The following ULK4 variants were observed in gnomAD, a reference collection of about 807,000 sequenced individuals.
ULK4 encodes the protein unc-51 like kinase 4.
Under a neutral mutation model 160.6 loss-of-function variants are expected in ULK4, and 133 were observed. The ratio of observed to expected loss-of-function variants is 0.83; its 90% CI spans 0.72 to 0.96. The LOEUF is 0.96. ULK4 is among the 40% of genes least tolerant of loss of function. ULK4 has a pLI of 0.00. For synonymous variants in ULK4, 534 were observed against 539.8 expected, an observed-to-expected ratio of 0.99 and a Z score of 0.15; for missense variants, 1,580 against 1,499.5, an observed-to-expected ratio of 1.05 and a Z score of -0.89.
chr3:41,835,908 G>A lies in ULK4; in HGVS notation c.1720C>T (p.Leu574Phe). 3 of 1,613,224 alleles carry A rather than the reference G, an allele frequency of 1.9e-6. No homozygotes were observed. Among genetic ancestry groups the A allele is most frequent in the Non-Finnish European group, 2.5e-6 (3 of 1,179,716 alleles). The change falls in exon 18 of 37, where the codon CTT (leucine) becomes TTT (phenylalanine). Residue 574 changes from leucine (L) to phenylalanine (F), a missense_variant. Physicochemically the swap from Leu to Phe is conservative, Grantham distance 22. Transcript: ENST00000301831. ...ATCAGCTCCCCAAGGGTTGGTAAAA[G>A]GCACTGTTTTAATTTGCTGTTCCTG... ...NFRNSKLKQC[L>F]LPTLGELIYL...
At chr3:41,723,417 C>A (rs1268423453) in intron 22 of ULK4, among the ~76,000 whole-genome samples, 1 of 152,096 alleles carries the variant, frequency 6.6e-6, no homozygotes, top group Non-Finnish European at 1.5e-5. Flanking sequence ...TCCTCCTCCT[C>A]TTGTCTTTCA....
intron 19 of ULK4, among the ~76,000 whole-genome samples, chr3:41,801,035 G>A (rs73073358): frequency 0.12 from 18,862 of 152,106 alleles, 1,349 homozygotes; most frequent in Middle Eastern, 0.27. Flanking sequence ...TAATTCAATC[G>A]CTAGAAATGA....
chr3:41,377,336 C>G (rs1009755177), intron 35 of ULK4, among the ~76,000 whole-genome samples: 6 of 151,852 alleles, frequency 4.0e-5, no homozygotes, highest in Admixed American at 3.9e-4. Flanking sequence ...GTCTAAAACA[C>G]CAAAAGCAAT....
intron 35 of ULK4, among the ~76,000 whole-genome samples, chr3:41,384,991 G>A (rs1700015395): frequency 6.6e-6 from 1 of 152,078 alleles, no homozygotes; most frequent in Admixed American, 6.6e-5. Context: ...TGAGGTCAAG[G>A]CTGCAGTCCC....
At chr3:41,656,076 C>T (rs1244197726) in intron 30 of ULK4, among the ~76,000 whole-genome samples, 2 of 152,144 alleles carry the variant, frequency 1.3e-5, no homozygotes, top group African/African-American at 4.8e-5. Flanking sequence ...CTTTTCCCCC[C>T]AGTTTTTTGT....
At chr3:41,925,676 C>T (rs1208314940) in intron 5 of ULK4, among the ~76,000 whole-genome samples, 1 of 152,186 alleles carries the variant, frequency 6.6e-6, no homozygotes, top group Non-Finnish European at 1.5e-5. Context: ...GCTGTCAGCA[C>T]AGCAGTCTGA....
At position 41,306,133 on chromosome 3, in the gene ULK4, G is replaced by T. The variant is rs1416747214; in HGVS notation, c.3679-56559C>A. Among the ~76,000 whole-genome samples, 74 of 111,782 alleles carry T rather than the reference G, an allele frequency of 6.6e-4. 7 individuals are homozygous for T. The highest frequency in any genetic ancestry group is 2.9e-3 in the African/African-American group (69 of 23,668). The allele number at this position is 111,782 out of a possible 152,430, so 73.3% of individuals were successfully genotyped here. On this transcript the variant is annotated intron_variant, in intron 35 of 36. Transcript: ENST00000301831. ...CACCCCGTCCGGGAGGGAGGTGGGG[G>T]GGGGGGGTCAGCCCCCCGCCAGGCC...
intron 30 of ULK4, among the ~76,000 whole-genome samples, chr3:41,653,013 G>GT (rs1438457168): frequency 2.6e-5 from 4 of 152,148 alleles, no homozygotes; most frequent in African/African-American, 4.8e-5. Flanking sequence ...TTTGTACTCT[G>GT]TATTTGTGAT....
chr3:41,923,253 C>G lies in ULK4; in HGVS notation c.542-3435G>C, dbSNP rs529873835. Among the ~76,000 whole-genome samples the G allele has an allele frequency of 1.4e-4, 22 of 152,168 alleles. No individual in the cohort carries two copies. The Middle Eastern group carries it at 0.01, about 71-fold the overall frequency. On this transcript the variant is annotated intron_variant, in intron 5 of 36. Transcript: ENST00000301831. Reference sequence around the variant, plus strand: ...GTGGCTCATGTCTGTAATCCCAACACTTTGGGAGGCTGAGGTGGGCAGATC... The same window carrying G: ...GTGGCTCATGTCTGTAATCCCAACAGTTTGGGAGGCTGAGGTGGGCAGATC...
At chr3:41,789,284 G>C (rs985150592) in intron 21 of ULK4, among the ~76,000 whole-genome samples, 13 of 152,074 alleles carry the variant, frequency 8.5e-5, no homozygotes, top group Non-Finnish European at 1.2e-4. Flanking sequence ...AATAAAAATA[G>C]GTCAGAGCAA....
At chr3:41,253,290 G>GA (rs1473796704) in intron 35 of ULK4, among the ~76,000 whole-genome samples, 1 of 151,798 alleles carries the variant, frequency 6.6e-6, no homozygotes, top group Non-Finnish European at 1.5e-5. Context: ...TAGTAGAAAA[G>GA]AAAAAATACA....
intron 32 of ULK4, among the ~76,000 whole-genome samples, chr3:41,490,646 T>A (rs7616576): frequency 0.41 from 62,465 of 152,120 alleles, 13,005 homozygotes; most frequent in African/African-American, 0.44. Context: ...TGGAACTCTA[T>A]TTGAAGGCAA....
chr3:41,849,959 C>A (rs952639403), intron 17 of ULK4, among the ~76,000 whole-genome samples: 3 of 152,092 alleles, frequency 2.0e-5, no homozygotes, highest in African/African-American at 7.2e-5. Flanking sequence ...CTATCCCTTC[C>A]CCTCCCCGCA....
chr3:41,896,806 T>A lies in ULK4; in HGVS notation c.1530+16A>T. 6.3e-7 allele frequency: 1 copy of A among 1,599,548 alleles called. No homozygotes were observed. On this transcript the variant is annotated intron_variant, in intron 15 of 36. Coordinates refer to ENST00000301831, the MANE Select transcript of ULK4 (RefSeq NM_017886.4). ...AACACAAATTAAAATGCATAAGGCATGTCACACAGGCTTACCAGGGGGGAA... is the reference window on the plus strand; with the variant it reads ...AACACAAATTAAAATGCATAAGGCAAGTCACACAGGCTTACCAGGGGGGAA...
At chr3:41,379,513 TAAAC>T (rs1347385662) in intron 35 of ULK4, among the ~76,000 whole-genome samples, 1 of 152,154 alleles carries the variant, frequency 6.6e-6, no homozygotes, top group Non-Finnish European at 1.5e-5. Context: ...CAGAAAACGT[TAAAC>T]AAGCCTCAAT....
At chr3:41,868,744 G>T (rs555995047) in intron 17 of ULK4, among the ~76,000 whole-genome samples, 1 of 151,914 alleles carries the variant, frequency 6.6e-6, no homozygotes, top group East Asian at 1.9e-4. Context: ...TGATCCACTC[G>T]CCTTGGCCTC....
At chr3:41,840,991 C>T (rs1295560564) in intron 17 of ULK4, among the ~76,000 whole-genome samples, 4 of 145,634 alleles carry the variant, frequency 2.7e-5, no homozygotes, top group African/African-American at 5.1e-5. Flanking sequence ...GCTACCACCC[C>T]GTCTGGGATG....
intron 35 of ULK4, among the ~76,000 whole-genome samples, chr3:41,301,324 A>C (rs573519763): frequency 6.6e-6 from 1 of 151,066 alleles, no homozygotes. Context: ...TCAATCTTTT[A>C]AGATTAGGGG....
At chr3:41,525,802 C>T (rs1455263752) in intron 32 of ULK4, among the ~76,000 whole-genome samples, 1 of 152,182 alleles carries the variant, frequency 6.6e-6, no homozygotes. Flanking sequence ...TTCCCTTTCA[C>T]TTCTTCTGTA....
Sources: gnomAD v4.1 joint callset for allele counts (sites outside exome capture counted in the v4.1 genomes callset) on GRCh38, gnomAD v4.1.1 for gene constraint, MANE v1.5 for transcripts, NCBI Gene and HGNC (gene_info 2026-07-23, HGNC 2026-07-21) for gene names.